GSX2: variants seen among roughly 807,000 people sequenced by gnomAD.
GSX2 encodes the protein genetic-screened homeobox 2.
A neutral mutation model predicts 19.2 loss-of-function variants in GSX2; 16 were observed. The observed-to-expected ratio is 0.84, with a 90% confidence interval of 0.57 to 1.27. GSX2 has a LOEUF of 1.27. Ranked by LOEUF, GSX2 falls within the 50% of genes most tolerant of loss-of-function variation. The pLI, the probability that GSX2 is intolerant of heterozygous loss-of-function variation, is 0.00. For missense variants in GSX2, 448 were observed against 428.4 expected, an observed-to-expected ratio of 1.05 and a Z score of -0.40; for synonymous variants, 217 against 196.4, an observed-to-expected ratio of 1.10 and a Z score of -0.88.
chr4:54,101,465 A>G lies in GSX2; in HGVS notation c.575-117A>G, dbSNP rs2110111989. 3.1e-6 allele frequency: 2 copies of G among 652,100 alleles called. No individual in the cohort carries two copies. Among genetic ancestry groups the G allele is most frequent in the Non-Finnish European group, 5.4e-6 (2 of 367,346 alleles). 40.4% of individuals were successfully genotyped at this position (652,100 alleles called of 1,614,324 possible). On this transcript the variant is annotated intron_variant, in intron 1 of 1. Transcript: ENST00000326902. The surrounding 1 kb of genome is among the most constrained non-coding windows in gnomAD (Gnocchi z 5.0). ...ACGTGCCTTGAAATGGGAAAGGGAT[A>G]CAGATGTTCGGCTGGGCTTCCCCGG...
Position 54,100,588 on chromosome 4 carries a change from G to A in GSX2, c.244G>A (p.Gly82Ser). Residue 82 changes from glycine to serine, a missense_variant, in exon 1 of 2, where the codon GGC becomes AGC. Transcript: ENST00000326902. ...GGGGTCTGTGGGCGCCGGCAGCGGG[G>A]GCGCAGGGGCCGGGGTTACCGGGGC... ...SRGSVGAGSG[G>S]AGAGVTGAGG... The A allele has an allele frequency of 1.3e-6, 2 of 1,572,148 alleles. No individual in the cohort carries two copies. The highest frequency in any genetic ancestry group is 1.2e-5 in the South Asian group (1 of 86,238).
rs1718174423 is a variant in GSX2, at chr4:54,101,525, G to C, written c.575-57G>C. 5 of 1,201,572 alleles carry C rather than the reference G, an allele frequency of 4.2e-6. No homozygotes were observed. Among genetic ancestry groups the C allele is most frequent in the Non-Finnish European group, 6.0e-6 (5 of 827,092 alleles). The allele number at this position is 1,201,572 out of a possible 1,614,324, so 74.4% of individuals were successfully genotyped here. A position where few individuals can be genotyped will look rare whatever the true frequency, so the allele number is the denominator to read the frequency against. On this transcript the variant is annotated intron_variant, in intron 1 of 1. Coordinates refer to ENST00000326902, the MANE Select transcript of GSX2 (RefSeq NM_133267.3). The surrounding 1 kb of genome is among the most constrained non-coding windows in gnomAD (Gnocchi z 5.0). ...TGAAATGCGTCCTGGTTAGCACATGGGGTGGGAGCACCTTGCCCGAGCCTT... is the reference window on the plus strand; with the variant it reads ...TGAAATGCGTCCTGGTTAGCACATGCGGTGGGAGCACCTTGCCCGAGCCTT...
chr4:54,102,147 G>A lies in GSX2; in HGVS notation c.*225G>A. ...GAAGTTACAGATTTTTTTAAAAAATGTAAATAACCTATAATTCAACTCATT... is the reference window on the plus strand; with the variant it reads ...GAAGTTACAGATTTTTTTAAAAAATATAAATAACCTATAATTCAACTCATT... On this transcript the variant is annotated 3_prime_UTR_variant, in exon 2 of 2. Transcript: ENST00000326902. 3.7e-6 allele frequency: 2 copies of A among 544,918 alleles called. No homozygotes were observed. Among genetic ancestry groups the A allele is most frequent in the Non-Finnish European group, 6.5e-6 (2 of 309,806 alleles). The allele number at this position is 544,918 out of a possible 1,614,324, so 33.8% of individuals were successfully genotyped here. A position where few individuals can be genotyped will look rare whatever the true frequency, so the allele number is the denominator to read the frequency against.
chr4:54,100,454 T>G lies in GSX2; in HGVS notation c.110T>G (p.Met37Arg). 1 of 1,613,976 alleles carries G rather than the reference T, an allele frequency of 6.2e-7. No homozygotes were observed. The highest frequency in any genetic ancestry group is 8.5e-7 in the Non-Finnish European group (1 of 1,179,966). Residue 37 changes from methionine (M) to arginine (R), a missense_variant, in exon 1 of 2, where the codon ATG (methionine) becomes AGG (arginine). Transcript: ENST00000326902. ...PGPDFFIPLGMPPPLVMSVSG... is the reference protein window; with the variant it reads ...PGPDFFIPLGRPPPLVMSVSG... ...CCGGATTTCTTCATCCCGCTTGGCA[T>G]GCCGCCCCCATTGGTGATGTCCGTG...
rs768991515 is a variant in GSX2 at position 54,101,801 on chromosome 4, A to C, written c.794A>C (p.Gln265Pro). 25 of 1,614,232 alleles carry C rather than the reference A, an allele frequency of 1.5e-5. No homozygotes were observed. Among genetic ancestry groups the C allele is most frequent in the Non-Finnish European group, 2.0e-5 (24 of 1,180,032 alleles). ...VKHKKEGKGT[Q>P]RNSHAGCKCV... The stretch of plus-strand genomic sequence containing the variant: ...CACAAGAAGGAGGGGAAGGGCACGC[A>C]GAGGAACAGTCACGCGGGCTGCAAG... The change falls in exon 2 of 2, where the codon CAG (glutamine) becomes CCG (proline). Residue 265 changes from glutamine to proline, a missense_variant. By Grantham distance (76) the Gln-to-Pro change is moderately conservative. Coordinates refer to ENST00000326902, the MANE Select transcript of GSX2 (RefSeq NM_133267.3). The surrounding 1 kb of genome is among the most constrained non-coding windows in gnomAD (Gnocchi z 5.0).
At position 54,100,714 on chromosome 4, in the gene GSX2, C is replaced by A. The variant is rs758503759; in HGVS notation, c.370C>A (p.His124Asn). ...CGCGCAGTTTTGCCCGCGGGTGAAC[C>A]ATGCGCATCATCACCACCACCCGCC... Reference protein sequence around the residue: ...GDAQFCPRVNHAHHHHHPPQH... With the variant: ...GDAQFCPRVNNAHHHHHPPQH... Residue 124 changes from histidine (H) to asparagine (N), a missense_variant, in exon 1 of 2, where the codon CAT becomes AAT. Physicochemically the swap from His to Asn is moderately conservative, Grantham distance 68 (BLOSUM62 1). Coordinates refer to ENST00000326902, the MANE Select transcript of GSX2 (RefSeq NM_133267.3). The A allele has an allele frequency of 2.6e-6, 4 of 1,548,852 alleles. No homozygotes were observed. The highest frequency in any genetic ancestry group is 1.7e-4 in the Middle Eastern group (1 of 5,918).
At position 54,102,416 on chromosome 4, in the gene GSX2, C is replaced by T. The variant is rs914933219; in HGVS notation, c.*494C>T. On this transcript the variant is annotated 3_prime_UTR_variant, in exon 2 of 2. Coordinates refer to ENST00000326902, the MANE Select transcript of GSX2 (RefSeq NM_133267.3). ...CCTGGGGAGAATTTAAAATCTAAGT[C>T]GCTGGAAGTCCCTTTGTATGTGAAT... The T allele has an allele frequency of 2.0e-5, 3 of 152,156 alleles. No homozygotes were observed. The highest frequency in any genetic ancestry group is 7.2e-5 in the African/African-American group (3 of 41,402). 9.4% of individuals were successfully genotyped at this position (152,156 alleles called of 1,614,324 possible). A position where few individuals can be genotyped will look rare whatever the true frequency, so the allele number is the denominator to read the frequency against.
chr4:54,100,518 C>G lies in GSX2; in HGVS notation c.174C>G (p.Phe58Leu), dbSNP rs1018044237. 27 of 1,613,160 alleles carry G rather than the reference C, an allele frequency of 1.7e-5. No homozygotes were observed. The highest frequency in any genetic ancestry group is 2.2e-5 in the Non-Finnish European group (26 of 1,179,814). The change falls in exon 1 of 2, where the codon TTC becomes TTG. Residue 58 changes from phenylalanine to leucine, a missense_variant. Coordinates refer to ENST00000326902, the MANE Select transcript of GSX2 (RefSeq NM_133267.3). ...GCCCGTCCCGCAAGAGCGGCGCGTT[C>G]TGCGTGTGCCCTCTCTGCGTCACTT... ...PGCPSRKSGA[F>L]CVCPLCVTSH... is the part of the protein sequence containing the mutation.
In GSX2 at chr4:54,101,563, T is replaced by G. The variant is rs768706715; in HGVS notation, c.575-19T>G. 14 of 1,579,784 alleles carry G rather than the reference T, an allele frequency of 8.9e-6. No homozygotes were observed. Among genetic ancestry groups the G allele is most frequent in the Non-Finnish European group, 1.2e-5 (14 of 1,154,586 alleles). Reference sequence around the variant, plus strand: ...TTGCCCGAGCCTTACCTCTCTACCCTCTCTTCGCCGGTCCGCAGGAGGCTC... The same window carrying G: ...TTGCCCGAGCCTTACCTCTCTACCCGCTCTTCGCCGGTCCGCAGGAGGCTC... On this transcript the variant is annotated intron_variant, in intron 1 of 1. Coordinates refer to ENST00000326902, the MANE Select transcript of GSX2 (RefSeq NM_133267.3). The surrounding 1 kb of genome is among the most constrained non-coding windows in gnomAD (Gnocchi z 5.0).
In GSX2 at chr4:54,100,719, G is replaced by A. The variant is rs767416061; in HGVS notation, c.375G>A (p.Ala125=). 60 of 1,548,016 alleles carry A rather than the reference G, an allele frequency of 3.9e-5. No individual in the cohort carries two copies. The South Asian group carries it at 5.2e-4, about 14-fold the overall frequency. The change falls in exon 1 of 2, where the codon GCG becomes GCA. Residue 125 remains alanine, a synonymous_variant. Transcript: ENST00000326902. The part of the protein sequence containing the change: ...DAQFCPRVNH[A]HHHHHPPQHH... The stretch of plus-strand genomic sequence containing the variant: ...AGTTTTGCCCGCGGGTGAACCATGC[G>A]CATCATCACCACCACCCGCCGCAGC...
chr4:54,102,210 G>A lies in GSX2; in HGVS notation c.*288G>A, dbSNP rs2110112361. The A allele has an allele frequency of 2.7e-6, 1 of 374,144 alleles. No individual in the cohort carries two copies. Among genetic ancestry groups the A allele is most frequent in the African/African-American group, 2.1e-5 (1 of 48,534 alleles). The allele number at this position is 374,144 out of a possible 1,614,324, so 23.2% of individuals were successfully genotyped here. On this transcript the variant is annotated 3_prime_UTR_variant, in exon 2 of 2. Coordinates refer to ENST00000326902, the MANE Select transcript of GSX2 (RefSeq NM_133267.3). ...CAGAGGAAAAACAGGGTTGGTTTAAGTTTAACACTGTATGGGGTTTTTGAA... is the reference window on the plus strand; with the variant it reads ...CAGAGGAAAAACAGGGTTGGTTTAAATTTAACACTGTATGGGGTTTTTGAA...
Position 54,100,585 on chromosome 4 carries a change from G to T in GSX2, c.241G>T (p.Gly81Trp), listed in dbSNP as rs752777000. The change falls in exon 1 of 2, where the codon GGG becomes TGG. Residue 81 changes from glycine to tryptophan, a missense_variant. Transcript: ENST00000326902. ...TCGGGGGTCTGTGGGCGCCGGCAGC[G>T]GGGGCGCAGGGGCCGGGGTTACCGG... ...SSRGSVGAGS[G>W]GAGAGVTGAG... The T allele has an allele frequency of 7.6e-6, 12 of 1,572,120 alleles. No individual in the cohort carries two copies. Among genetic ancestry groups the T allele is most frequent in the African/African-American group, 6.8e-5 (5 of 73,926 alleles).
At position 54,100,767 on chromosome 4, in the gene GSX2, C is replaced by G; in HGVS notation, c.423C>G (p.Pro141=). The change falls in exon 1 of 2, where the codon CCC becomes CCG. Residue 141 remains proline, a synonymous_variant. Transcript: ENST00000326902. ...AGCACCACCATCACCATCATCAGCCCCAGCAGCCTGGCTCGGCCGCGGCGG... is the reference window on the plus strand; with the variant it reads ...AGCACCACCATCACCATCATCAGCCGCAGCAGCCTGGCTCGGCCGCGGCGG... ...PPQHHHHHHQ[P]QQPGSAAAAA... 1 of 1,507,870 alleles carries G rather than the reference C, an allele frequency of 6.6e-7. No individual in the cohort carries two copies. 93.4% of individuals were successfully genotyped at this position (1,507,870 alleles called of 1,614,324 possible).
At position 54,101,786 on chromosome 4, in the gene GSX2, A is replaced by G. The variant is rs200779011; in HGVS notation, c.779A>G (p.Glu260Gly). The G allele has an allele frequency of 1.2e-6, 2 of 1,614,206 alleles. No individual in the cohort carries two copies. The highest frequency in any genetic ancestry group is 1.1e-5 in the South Asian group (1 of 91,090). Residue 260 changes from glutamate (E) to glycine (G), a missense_variant, in exon 2 of 2, where the codon GAG becomes GGG. By Grantham distance (98) the Glu-to-Gly change is moderately conservative. Transcript: ENST00000326902. This position sits in a 1 kb window ranked among gnomAD's most constrained non-coding sequence, Gnocchi z 5.0. The part of the protein sequence containing the change: ...FQNRRVKHKK[E>G]GKGTQRNSHA... Reference sequence around the variant, plus strand: ...AACCGCCGAGTGAAGCACAAGAAGGAGGGGAAGGGCACGCAGAGGAACAGT... The same window carrying G: ...AACCGCCGAGTGAAGCACAAGAAGGGGGGGAAGGGCACGCAGAGGAACAGT...
At position 54,100,819 on chromosome 4, in the gene GSX2, G is replaced by C. The variant is rs1718159618; in HGVS notation, c.475G>C (p.Ala159Pro). The change falls in exon 1 of 2, where the codon GCC becomes CCC. Residue 159 changes from alanine (A) to proline (P), a missense_variant. Physicochemically the swap from Ala to Pro is conservative, Grantham distance 27 (BLOSUM62 -1). Transcript: ENST00000326902. Reference sequence around the variant, plus strand: ...GGCAGCAGCAGCAGCGGCGGCGGCGGCCGCGGCGGCCTTGGGGCACCCGCA... The same window carrying C: ...GGCAGCAGCAGCAGCGGCGGCGGCGCCCGCGGCGGCCTTGGGGCACCCGCA... ...AAAAAAAAAA[A>P]AAALGHPQHH... The C allele has an allele frequency of 1.4e-6, 2 of 1,449,746 alleles. No individual in the cohort carries two copies. The highest frequency in any genetic ancestry group is 3.4e-5 in the Admixed American group (1 of 29,392). The allele number at this position is 1,449,746 out of a possible 1,614,324, so 89.8% of individuals were successfully genotyped here. A position where few individuals can be genotyped will look rare whatever the true frequency, so the allele number is the denominator to read the frequency against.
rs768924553 is a variant in GSX2, at chr4:54,101,678, A to G, written c.671A>G (p.Asn224Ser). The change falls in exon 2 of 2, where the codon AAC becomes AGC. Residue 224 changes from asparagine to serine, a missense_variant. Transcript: ENST00000326902. This position sits in a 1 kb window ranked among gnomAD's most constrained non-coding sequence, Gnocchi z 5.0. ...LLELEREFSS[N>S]MYLSRLRRIE... ...GAGCTGGAGAGAGAATTCTCTTCCA[A>G]CATGTACCTGTCTCGACTCCGGAGG... The G allele has an allele frequency of 7.4e-6, 12 of 1,613,972 alleles. No homozygotes were observed. In the African/African-American group the frequency reaches 9.3e-5, roughly 13 times the overall value.
rs1718170666 is a variant in GSX2, at chr4:54,101,326, G to A, written c.575-256G>A. Reference sequence around the variant, plus strand: ...CGCGCTTCTCCGCTTGGCTCAAAGGGAGGCGATCAGATAGTGCAAGCCCCC... The same window carrying A: ...CGCGCTTCTCCGCTTGGCTCAAAGGAAGGCGATCAGATAGTGCAAGCCCCC... On this transcript the variant is annotated intron_variant, in intron 1 of 1. Coordinates refer to ENST00000326902, the MANE Select transcript of GSX2 (RefSeq NM_133267.3). This position sits in a 1 kb window ranked among gnomAD's most constrained non-coding sequence, Gnocchi z 5.0. 6.6e-6 allele frequency among the ~76,000 whole-genome samples: 1 copy of A among 152,188 alleles called. No individual in the cohort carries two copies. The highest frequency in any genetic ancestry group is 2.4e-5 in the African/African-American group (1 of 41,460).
rs893485328 is a variant in GSX2, at chr4:54,101,551, A to C, written c.575-31A>C. The C allele has an allele frequency of 6.6e-7, 1 of 1,517,664 alleles. No individual in the cohort carries two copies. Among genetic ancestry groups the C allele is most frequent in the African/African-American group, 1.4e-5 (1 of 73,052 alleles). 94.0% of individuals were successfully genotyped at this position (1,517,664 alleles called of 1,614,324 possible). The stretch of plus-strand genomic sequence containing the variant: ...GGTGGGAGCACCTTGCCCGAGCCTT[A>C]CCTCTCTACCCTCTCTTCGCCGGTC... On this transcript the variant is annotated intron_variant, in intron 1 of 1. Coordinates refer to ENST00000326902, the MANE Select transcript of GSX2 (RefSeq NM_133267.3). The surrounding 1 kb of genome is among the most constrained non-coding windows in gnomAD (Gnocchi z 5.0).
rs747025191 is a variant in GSX2 at position 54,101,822 on chromosome 4, G to T, written c.815G>T (p.Cys272Phe). Reference sequence around the variant, plus strand: ...ACGCAGAGGAACAGTCACGCGGGCTGCAAGTGCGTCGGGAGCCAGGTGCAC... The same window carrying T: ...ACGCAGAGGAACAGTCACGCGGGCTTCAAGTGCGTCGGGAGCCAGGTGCAC... ...KGTQRNSHAGCKCVGSQVHYA... is the reference protein window; with the variant it reads ...KGTQRNSHAGFKCVGSQVHYA... Residue 272 changes from cysteine (C) to phenylalanine (F), a missense_variant, in exon 2 of 2, where the codon TGC becomes TTC. By Grantham distance (205) the Cys-to-Phe change is radical (BLOSUM62 -2). Transcript: ENST00000326902. The surrounding 1 kb of genome is among the most constrained non-coding windows in gnomAD (Gnocchi z 5.0). 1.6e-5 allele frequency: 26 copies of T among 1,614,222 alleles called. No homozygotes were observed. Among genetic ancestry groups the T allele is most frequent in the Non-Finnish European group, 2.0e-5 (24 of 1,180,050 alleles).
Sources: allele counts gnomAD v4.1 joint callset (sites outside exome capture counted in the v4.1 genomes callset), GRCh38; gene constraint gnomAD v4.1.1; non-coding constraint Gnocchi (gnomAD v3.1); transcripts MANE v1.5; gene names NCBI Gene and HGNC (gene_info 2026-07-23, HGNC 2026-07-21).